The following BRCA1 variants were observed in gnomAD, a reference collection of about 807,000 sequenced individuals.
The protein encoded by BRCA1 is breast cancer type 1 susceptibility protein.
In BRCA1, 140 loss-of-function variants were observed where a neutral mutation model predicts 173.7. The observed-to-expected ratio is 0.81, with a 90% CI of 0.70 to 0.93. The LOEUF (loss-of-function observed/expected upper bound fraction) is 0.93. BRCA1 is among the 40% of genes least tolerant of loss of function. BRCA1 has a pLI of 0.00. For synonymous variants in BRCA1, 662 were observed against 756.0 expected (o/e 0.88, Z 2.04); for missense variants, 1,983 against 2,172.5 (o/e 0.91, Z 1.73).
At chr17:43,125,173 AAAG>A (rs1328673976) in intron 1 of BRCA1, 95 bp downstream of exon 1, 1 of 416,194 alleles carries the variant, frequency 2.4e-6, no homozygotes, top group South Asian at 1.6e-5. Flanking sequence ...ACCCCCCGTC[AAAG>A]AATACCCATC....
intron 1 of BRCA1, among the ~76,000 whole-genome samples, chr17:43,139,592 G>A (rs147601563): frequency 2.0e-5 from 3 of 152,022 alleles, no homozygotes; most frequent in Non-Finnish European, 4.4e-5. Flanking sequence ...CTGACCTTGC[G>A]ATCCACCCAC....
intron 17 of BRCA1, 115 bp from the exon 18 acceptor site, chr17:43,063,488 T>A: frequency 2.3e-6 from 2 of 853,622 alleles, no homozygotes; most frequent in Non-Finnish European, 3.9e-6. Flanking sequence ...AGAGGAGAGG[T>A]CCTTCCCTCT....
At chr17:43,127,243 G>A (rs1208812415), upstream of BRCA1, among the ~76,000 whole-genome samples, 4 of 152,262 alleles carry the variant, frequency 2.6e-5, no homozygotes, top group Non-Finnish European at 5.9e-5. Context: ...TCCACTAGGT[G>A]AAGCCAGCTG....
chr17:43,115,668 G>A, intron 3 of BRCA1, 58 bp downstream of exon 3: 1 of 1,533,900 alleles, frequency 6.5e-7, no homozygotes, highest in African/African-American at 1.4e-5. Context: ...TGTTTCCTGG[G>A]TTATGAAGGA....
At chr17:43,066,317 G>C (rs1323681804) in intron 16 of BRCA1, among the ~76,000 whole-genome samples, 1 of 152,034 alleles carries the variant, frequency 6.6e-6, no homozygotes, top group African/African-American at 2.4e-5. Flanking sequence ...GACTATCTCG[G>C]AGCTGTTATC....
rs71160013 is a variant in BRCA1, at chr17:43,121,683, CAAAAAAAAAA to C, written c.80+2324_80+2333del. Reference sequence around the variant, plus strand: ...GGGCAACAAGAGCCAAAGTCTGTCTCAAAAAAAAAAAAAAAAAAAAAAAAAGAAATTAATC... The same window carrying C: ...GGGCAACAAGAGCCAAAGTCTGTCTCAAAAAAAAAAAAAAAGAAATTAATC... On this transcript the variant is annotated intron_variant, in intron 2 of 22. Coordinates refer to ENST00000357654, the MANE Select transcript of BRCA1 (RefSeq NM_007294.4). Among the ~76,000 whole-genome samples the C allele has an allele frequency of 2.1e-4, 7 of 32,906 alleles. No individual in the cohort carries two copies. The Admixed American group carries it at 2.2e-3, about 10-fold the overall frequency. 21.6% of individuals were successfully genotyped at this position (32,906 alleles called of 152,430 possible). A position where few individuals can be genotyped will look rare whatever the true frequency, so the allele number is the denominator to read the frequency against.
rs587780864 is a variant in BRCA1 at position 43,071,147 on chromosome 17, A to C, written c.4767T>G (p.Arg1589=). The change falls in exon 15 of 23, where the codon CGT becomes CGG. Residue 1589 remains arginine, a synonymous_variant. Coordinates refer to ENST00000357654, the MANE Select transcript of BRCA1 (RefSeq NM_007294.4). Reference sequence around the variant, plus strand: ...AGGTTGAAGATGGTATGTTGCCAACACGAGCTGACTCTGGGGCTCTGTCTT... The same window carrying C: ...AGGTTGAAGATGGTATGTTGCCAACCCGAGCTGACTCTGGGGCTCTGTCTT... ...PSEDRAPESA[R]VGNIPSSTSA... is the part of the protein sequence containing the mutation. 1.2e-6 allele frequency: 2 copies of C among 1,614,086 alleles called. No homozygotes were observed. Among genetic ancestry groups the C allele is most frequent in the African/African-American group, 2.7e-5 (2 of 74,928 alleles).
At chr17:43,149,445 G>T (rs1333045309) in intron 1 of BRCA1, among the ~76,000 whole-genome samples, 1 of 150,808 alleles carries the variant, frequency 6.6e-6, no homozygotes, top group East Asian at 1.9e-4. Flanking sequence ...ATGTTGGCCA[G>T]GCTGGTCTCG....
intron 19 of BRCA1, among the ~76,000 whole-genome samples, chr17:43,056,756 T>C (rs1046357740): frequency 6.6e-6 from 1 of 152,006 alleles, no homozygotes; most frequent in Non-Finnish European, 1.5e-5. Context: ...AGTCTTTAGA[T>C]TCTCATCTGC....
chr17:43,047,288 T>G (rs746932436), intron 22 of BRCA1, among the ~76,000 whole-genome samples: 14 of 152,012 alleles, frequency 9.2e-5, no homozygotes, highest in African/African-American at 1.4e-4. Flanking sequence ...GTTGTACAGA[T>G]GAAGTCTCCT....
Position 43,092,148 on chromosome 17 carries a change from A to C in BRCA1, c.3383T>G (p.Leu1128Arg). Reference sequence around the variant, plus strand: ...AGGCTGTTCTAAGTTATCTGAAATCAGATATGGAGAGAAATCTGTATTAAC... The same window carrying C: ...AGGCTGTTCTAAGTTATCTGAAATCCGATATGGAGAGAAATCTGTATTAAC... ...QTVNTDFSPY[L>R]ISDNLEQPMG... is the part of the protein sequence containing the mutation. The change falls in exon 10 of 23, where the codon CTG becomes CGG. Residue 1128 changes from leucine (L) to arginine (R), a missense_variant. Leu to Arg is a moderately radical substitution (Grantham distance 102). Coordinates refer to ENST00000357654, the MANE Select transcript of BRCA1 (RefSeq NM_007294.4). The C allele has an allele frequency of 6.2e-7, 1 of 1,613,566 alleles. No individual in the cohort carries two copies. Among genetic ancestry groups the C allele is most frequent in the Non-Finnish European group, 8.5e-7 (1 of 1,179,862 alleles).
At chr17:43,122,161 A>G (rs1343298909) in intron 2 of BRCA1, among the ~76,000 whole-genome samples, 1 of 152,194 alleles carries the variant, frequency 6.6e-6, no homozygotes, top group Admixed American at 6.5e-5. Context: ...CATTTTCCTT[A>G]ATCTGATTAA....
chr17:43,124,169 T>TA lies in BRCA1; in HGVS notation c.-19-55_-19-54insT, dbSNP rs273898670. 1 of 1,030,782 alleles carries TA rather than the reference T, an allele frequency of 9.7e-7. No homozygotes were observed. Among genetic ancestry groups the TA allele is most frequent in the East Asian group, 2.6e-5 (1 of 38,120 alleles). The allele number at this position is 1,030,782 out of a possible 1,614,324, so 63.9% of individuals were successfully genotyped here. A position where few individuals can be genotyped will look rare whatever the true frequency, so the allele number is the denominator to read the frequency against. On this transcript the variant is annotated intron_variant, in intron 1 of 22. Transcript: ENST00000357654. ...ATATCTTTTTAAAAGGTTTATAAAA[T>TA]GACAACTTCATTTTATCATTTTAAA...
chr17:43,050,984 C>G (rs55865150), intron 20 of BRCA1, 79 bp downstream of exon 20: 3 of 1,390,476 alleles, frequency 2.2e-6, no homozygotes, highest in Non-Finnish European at 3.1e-6. Flanking sequence ...GAACCCCCAT[C>G]GTGGGATCTT....
intron 17 of BRCA1, 90 bp downstream of exon 17, chr17:43,063,784 T>G: frequency 9.7e-7 from 1 of 1,033,240 alleles, no homozygotes; most frequent in Non-Finnish European, 1.5e-6. Flanking sequence ...AGACTCAGCA[T>G]CAGCAAAAAC....
intron 12 of BRCA1, among the ~76,000 whole-genome samples, chr17:43,078,087 AC>A (rs1645954653): frequency 9.0e-6 from 1 of 111,702 alleles, no homozygotes; most frequent in African/African-American, 5.7e-5. Flanking sequence ...CTGGTTTCAA[AC>A]TTTTTTTTTT....
chr17:43,144,924 G>A, intron 1 of BRCA1: 1 of 575,724 alleles, frequency 1.7e-6, no homozygotes, highest in Non-Finnish European at 3.4e-6. Flanking sequence ...GCGGCCAGCA[G>A]GCACCTGGCA....
rs1597875228 is a variant in BRCA1, at chr17:43,093,944, A to C, written c.1587T>G (p.Pro529=). 1 of 1,613,880 alleles carries C rather than the reference A, an allele frequency of 6.2e-7. No individual in the cohort carries two copies. The highest frequency in any genetic ancestry group is 8.5e-7 in the Non-Finnish European group (1 of 1,179,936). Residue 529 remains proline (P), a synonymous_variant, in exon 10 of 23, where the codon CCT becomes CCG. Coordinates refer to ENST00000357654, the MANE Select transcript of BRCA1 (RefSeq NM_007294.4). Reference sequence around the variant, plus strand: ...GGTTAGTTCCCTGATTTATCATTTCAGGAGTCTTTTGAACTGCCAAATCTG... The same window carrying C: ...GGTTAGTTCCCTGATTTATCATTTCCGGAGTCTTTTGAACTGCCAAATCTG... ...KKADLAVQKT[P]EMINQGTNQT...
Position 43,094,765 on chromosome 17 carries a change from T to A in BRCA1, c.766A>T (p.Arg256Trp), listed in dbSNP as rs587781833. The change falls in exon 10 of 23, where the codon AGG becomes TGG. Residue 256 changes from arginine (R) to tryptophan (W), a missense_variant. Physicochemically the swap from Arg to Trp is moderately radical, Grantham distance 101. Transcript: ENST00000357654. Reference sequence around the variant, plus strand: ...CTACCCTGATACTTTTCTGGATGCCTCTCAGCTGCACGCTTCTCAGTGGTG... The same window carrying A: ...CTACCCTGATACTTTTCTGGATGCCACTCAGCTGCACGCTTCTCAGTGGTG... ...LNTTEKRAAERHPEKYQGSSV... is the reference protein window; with the variant it reads ...LNTTEKRAAEWHPEKYQGSSV... The A allele has an allele frequency of 6.2e-7, 1 of 1,611,556 alleles. No homozygotes were observed. Among genetic ancestry groups the A allele is most frequent in the Non-Finnish European group, 8.5e-7 (1 of 1,178,582 alleles).
Sources: allele counts gnomAD v4.1 joint callset (sites outside exome capture counted in the v4.1 genomes callset), GRCh38; gene constraint gnomAD v4.1.1; transcripts MANE v1.5; gene names NCBI Gene and HGNC (gene_info 2026-07-23, HGNC 2026-07-21).